The following SPMIP4 variants were observed in gnomAD, a reference collection of about 807,000 sequenced individuals.
SPMIP4 encodes sperm-associated microtubule inner protein 4.
the SPMIP4 span, chr7:25,135,196 G>T: frequency 3.7e-6 from 2 of 535,630 alleles, no homozygotes; most frequent in Non-Finnish European, 4.8e-6. Context: ...TGTAATAACT[G>T]ATACCAAGCC....
chr7:25,150,104 A>C, the SPMIP4 span, among the ~76,000 whole-genome samples: 1 of 152,102 alleles, frequency 6.6e-6, no homozygotes, highest in South Asian at 2.1e-4. Context: ...TGCAGGCTGG[A>C]GGTAAGGGCA....
the SPMIP4 span, among the ~76,000 whole-genome samples, chr7:25,162,230 C>A: frequency 6.8e-6 from 1 of 146,204 alleles, no homozygotes; most frequent in South Asian, 2.1e-4. Flanking sequence ...GAGATCATGC[C>A]ACTGTACTCC....
At chr7:25,135,543 G>C in the SPMIP4 span, 4 of 974,516 alleles carry the variant, frequency 4.1e-6, no homozygotes, top group Non-Finnish European at 4.9e-6. Context: ...TTACATAAAG[G>C]GACAGTGTTC....
the SPMIP4 span, chr7:25,135,303 T>A: frequency 1.0e-6 from 1 of 983,562 alleles, no homozygotes; most frequent in Non-Finnish European, 1.2e-6. Context: ...GAAACAGTTA[T>A]GTTTCTCAAT....
the SPMIP4 span, among the ~76,000 whole-genome samples, chr7:25,129,255 AC>A: frequency 1.6e-3 from 236 of 151,804 alleles, 2 homozygotes; most frequent in Middle Eastern, 0.02. Flanking sequence ...TTTATTTGGG[AC>A]CCCCCCAGAG....
chr7:25,179,641 T>G, the SPMIP4 span: 1 of 199,554 alleles, frequency 5.0e-6, no homozygotes, highest in Non-Finnish European at 1.0e-5. Flanking sequence ...AATTTAACTA[T>G]AACTATTCAA....
the SPMIP4 span, among the ~76,000 whole-genome samples, chr7:25,160,930 T>A: frequency 6.6e-6 from 1 of 152,178 alleles, no homozygotes; most frequent in Non-Finnish European, 1.5e-5. Flanking sequence ...CAAGATAACT[T>A]TTAGGAATCC....
At chr7:25,165,425 G>A in the SPMIP4 span, among the ~76,000 whole-genome samples, 40 of 152,284 alleles carry the variant, frequency 2.6e-4, 1 homozygote, top group South Asian at 6.2e-3. Flanking sequence ...TTGGGGAGGT[G>A]AGTATATTTT....
the SPMIP4 span, chr7:25,135,345 T>C: frequency 1.0e-6 from 1 of 985,492 alleles, no homozygotes; most frequent in Non-Finnish European, 1.2e-6. Context: ...ACAATTCAAT[T>C]TGTAATGTGT....
At chr7:25,142,927 GT>G in the SPMIP4 span, 2,504 of 626,342 alleles carry the variant, frequency 4.0e-3, 1 homozygote, top group South Asian at 9.7e-3. Flanking sequence ...CGTCAGAATG[GT>G]TTTTTTTTTG....
the SPMIP4 span, among the ~76,000 whole-genome samples, chr7:25,166,368 A>C: frequency 0.18 from 27,525 of 151,076 alleles, 3,588 homozygotes; most frequent in African/African-American, 0.37. Context: ...TGGGCGGATC[A>C]TGAGGTCAGG....
the SPMIP4 span, chr7:25,126,048 T>C: frequency 5.0e-6 from 2 of 396,066 alleles, no homozygotes; most frequent in Admixed American, 3.5e-4. Context: ...GAGTACGAAG[T>C]AGGTAAATAT....
the SPMIP4 span, among the ~76,000 whole-genome samples, chr7:25,126,459 G>A: frequency 6.6e-6 from 1 of 151,756 alleles, no homozygotes; most frequent in South Asian, 2.1e-4. Flanking sequence ...TTACAGGTGT[G>A]AGCCACCACG....
the SPMIP4 span, chr7:25,125,920 GC>G: frequency 1.0e-6 from 1 of 985,242 alleles, no homozygotes; most frequent in Non-Finnish European, 1.2e-6. Context: ...CTTGATGGAC[GC>G]CCCAAGACTG....
the SPMIP4 span, among the ~76,000 whole-genome samples, chr7:25,148,872 C>T: frequency 1.3e-5 from 2 of 152,140 alleles, no homozygotes; most frequent in Non-Finnish European, 2.9e-5. Flanking sequence ...ATTGGGCAGT[C>T]GCCAAACCAA....
the SPMIP4 span, among the ~76,000 whole-genome samples, chr7:25,165,431 A>G: frequency 6.6e-6 from 1 of 152,122 alleles, no homozygotes; most frequent in Non-Finnish European, 1.5e-5. Context: ...AGGTGAGTAT[A>G]TTTTCATTTG....
the SPMIP4 span, chr7:25,136,048 T>C: frequency 6.2e-7 from 1 of 1,614,108 alleles, no homozygotes; most frequent in Non-Finnish European, 8.5e-7. This position sits in a 1 kb window ranked among gnomAD's most constrained non-coding sequence, Gnocchi z 5.7. Context: ...CCTGAGGTCT[T>C]TATGGTCTTC....
chr7:25,177,057 C>T, the SPMIP4 span, among the ~76,000 whole-genome samples: 11 of 152,182 alleles, frequency 7.2e-5, no homozygotes, highest in Admixed American at 1.3e-4. Flanking sequence ...AGGGAAGAAC[C>T]AGAATCAGCA....
chr7:25,160,047 G>T, the SPMIP4 span, among the ~76,000 whole-genome samples: 2 of 151,428 alleles, frequency 1.3e-5, no homozygotes, highest in South Asian at 4.2e-4. Flanking sequence ...GATCTGAAAA[G>T]ATAAAATGAA....
Sources: allele counts gnomAD v4.1 joint callset (sites outside exome capture counted in the v4.1 genomes callset), GRCh38; gene constraint gnomAD v4.1.1; non-coding constraint Gnocchi (gnomAD v3.1); transcripts MANE v1.5; gene names NCBI Gene and HGNC (gene_info 2026-07-23, HGNC 2026-07-21).